ALK: variants seen among roughly 807,000 people sequenced by gnomAD.
ALK encodes the protein ALK tyrosine kinase receptor.
ALK carries 74 observed loss-of-function variants against 163.1 expected under a neutral mutation model. The observed-to-expected ratio is 0.45, with a 90% CI of 0.38 to 0.55. ALK has a LOEUF of 0.55. Ranked by LOEUF, ALK falls within the 20% of genes least tolerant of loss-of-function variation. The pLI, the probability that ALK is intolerant of heterozygous loss-of-function variation, is 0.00. For missense variants in ALK, 2,063 were observed against 2,105.3 expected, an observed-to-expected ratio of 0.98 and a Z score of 0.39; for synonymous variants, 960 against 843.2, an observed-to-expected ratio of 1.14 and a Z score of -2.40.
chr2:29,372,128 T>C (rs988209397), intron 5 of ALK, among the ~76,000 whole-genome samples: 1 of 152,250 alleles, frequency 6.6e-6, no homozygotes, highest in Non-Finnish European at 1.5e-5. Context: ...TGGGTTTGCA[T>C]GCTTTGGGAG....
At chr2:29,289,998 G>A (rs549632276) in intron 9 of ALK, among the ~76,000 whole-genome samples, 4 of 152,290 alleles carry the variant, frequency 2.6e-5, no homozygotes, top group African/African-American at 9.6e-5. Flanking sequence ...TTGAGAGCTG[G>A]GGCTGTATTG....
chr2:29,635,987 G>A (rs1377306997), intron 3 of ALK, among the ~76,000 whole-genome samples: 2 of 152,104 alleles, frequency 1.3e-5, no homozygotes, highest in East Asian at 1.9e-4. Context: ...GCGGCCACAC[G>A]AAACTAATAC....
chr2:29,209,922 GA>G (rs775509421), intron 24 of ALK, 44 bp from the exon 25 acceptor site: 91 of 1,508,972 alleles, frequency 6.0e-5, no homozygotes, highest in Non-Finnish European at 8.3e-5. Flanking sequence ...TCCCTAGGAA[GA>G]TGAGTGTACA....
chr2:29,745,685 C>T (rs974585354), intron 1 of ALK, among the ~76,000 whole-genome samples: 1 of 152,200 alleles, frequency 6.6e-6, no homozygotes, highest in Non-Finnish European at 1.5e-5. Flanking sequence ...AGTAGGTCCC[C>T]GCTTAGCAGC....
intron 9 of ALK, among the ~76,000 whole-genome samples, chr2:29,288,768 T>C (rs979289992): frequency 7.9e-5 from 12 of 151,568 alleles, no homozygotes; most frequent in Non-Finnish European, 1.5e-4. Flanking sequence ...CTGGCCAACA[T>C]GGTGAAATCC....
intron 3 of ALK, among the ~76,000 whole-genome samples, chr2:29,643,384 A>G (rs1676760364): frequency 6.6e-6 from 1 of 152,236 alleles, no homozygotes; most frequent in African/African-American, 2.4e-5. Context: ...AATTCAAAAA[A>G]TATGTTGGAA....
At chr2:29,627,740 T>A (rs1676237729) in intron 3 of ALK, among the ~76,000 whole-genome samples, 1 of 152,260 alleles carries the variant, frequency 6.6e-6, no homozygotes, top group Non-Finnish European at 1.5e-5. Flanking sequence ...AATCTGGGCT[T>A]TAAGTAGATG....
At chr2:29,384,654 G>GTC (rs1052156987) in intron 4 of ALK, among the ~76,000 whole-genome samples, 10 of 151,626 alleles carry the variant, frequency 6.6e-5, no homozygotes, top group African/African-American at 2.4e-4. Context: ...GTCTGCGAGT[G>GTC]TGTGTGTGTG....
chr2:29,500,448 C>T (rs1418035983), intron 4 of ALK, among the ~76,000 whole-genome samples: 1 of 152,186 alleles, frequency 6.6e-6, no homozygotes, highest in Non-Finnish European at 1.5e-5. Context: ...ACTATACTTC[C>T]TGTGCAGCCT....
At chr2:29,335,988 C>T (rs1182667385) in intron 5 of ALK, among the ~76,000 whole-genome samples, 2 of 152,044 alleles carry the variant, frequency 1.3e-5, no homozygotes, top group African/African-American at 4.8e-5. Context: ...TGCAGTGAGC[C>T]GAGATCATGC....
At chr2:29,688,712 G>A (rs1678307653) in intron 3 of ALK, among the ~76,000 whole-genome samples, 1 of 152,170 alleles carries the variant, frequency 6.6e-6, no homozygotes, top group African/African-American at 2.4e-5. Context: ...GTGTCTGTGT[G>A]TGTGATCAGC....
At chr2:29,691,016 G>A (rs1309549699) in intron 3 of ALK, among the ~76,000 whole-genome samples, 1 of 152,168 alleles carries the variant, frequency 6.6e-6, no homozygotes, top group Non-Finnish European at 1.5e-5. Flanking sequence ...GACACTGCTT[G>A]GCCATTGTGC....
intron 3 of ALK, among the ~76,000 whole-genome samples, chr2:29,626,183 G>A (rs191594042): frequency 3.3e-5 from 5 of 152,228 alleles, no homozygotes; most frequent in Admixed American, 3.3e-4. Flanking sequence ...CCCTTGGGAG[G>A]TAATTAGATT....
intron 1 of ALK, among the ~76,000 whole-genome samples, chr2:29,791,252 T>C (rs1192184244): frequency 2.6e-5 from 4 of 152,102 alleles, no homozygotes; most frequent in Non-Finnish European, 5.9e-5. Flanking sequence ...AATGATAGAC[T>C]GGATAAAGAA....
intron 3 of ALK, among the ~76,000 whole-genome samples, chr2:29,625,571 C>T (rs1023355043): frequency 2.0e-5 from 3 of 152,150 alleles, no homozygotes; most frequent in African/African-American, 7.2e-5. Flanking sequence ...ACATGTGTCC[C>T]TTAATGAAGG....
At chr2:29,739,081 T>C (rs948862185) in intron 1 of ALK, among the ~76,000 whole-genome samples, 1 of 150,942 alleles carries the variant, frequency 6.6e-6, no homozygotes, top group Non-Finnish European at 1.5e-5. Context: ...TTCAAAAAAA[T>C]TTTTTAAAAT....
chr2:29,656,710 A>C (rs1449534630), intron 3 of ALK, among the ~76,000 whole-genome samples: 1 of 152,186 alleles, frequency 6.6e-6, no homozygotes, highest in Non-Finnish European at 1.5e-5. Flanking sequence ...CAGGACTTAA[A>C]GCCAGGTAGT....
At chr2:29,478,977 A>T (rs1671594048) in intron 4 of ALK, among the ~76,000 whole-genome samples, 1 of 152,132 alleles carries the variant, frequency 6.6e-6, no homozygotes, top group Non-Finnish European at 1.5e-5. Flanking sequence ...AGGACCCTAG[A>T]CCTAAGTGAA....
chr2:29,615,101 G>C (rs932617041), intron 3 of ALK, among the ~76,000 whole-genome samples: 3 of 152,164 alleles, frequency 2.0e-5, no homozygotes, highest in Non-Finnish European at 4.4e-5. Flanking sequence ...CTGCAGGCTT[G>C]AGCCACCGCA....
Sources: allele counts gnomAD v4.1 joint callset (sites outside exome capture counted in the v4.1 genomes callset), GRCh38; gene constraint gnomAD v4.1.1; transcripts MANE v1.5; gene names NCBI Gene and HGNC (gene_info 2026-07-23, HGNC 2026-07-21).